Variants in PCDHGA6 observed in about 807,000 individuals in gnomAD.
PCDHGA6 encodes the protein protocadherin gamma subfamily A, 6.
PCDHGA6 carries 41 observed loss-of-function variants against 60.6 expected under a neutral mutation model. The observed-to-expected ratio is 0.68, with a 90% CI of 0.53 to 0.88. The LOEUF (loss-of-function observed/expected upper bound fraction) is 0.88. PCDHGA6 is among the 40% of genes least tolerant of loss of function. PCDHGA6 has a pLI of 0.00. For missense variants in PCDHGA6, 1,312 were observed against 1,203.0 expected (o/e 1.09, Z -1.34); for synonymous variants, 594 against 524.4 (o/e 1.13, Z -1.81).
In PCDHGA6 at chr5:141,476,240, G is replaced by A. The variant is rs762604058; in HGVS notation, c.2425-18567G>A. On this transcript the variant is annotated intron_variant, in intron 1 of 3. Coordinates refer to ENST00000517434, the MANE Select transcript of PCDHGA6 (RefSeq NM_018919.3). This position sits in a 1 kb window ranked among gnomAD's most constrained non-coding sequence, Gnocchi z 7.6. ...TCACTATGAGATCCCGGAGGAAAGAGAGAAGGGTTTCGCTGTGGGCAACGT... is the reference window on the plus strand; with the variant it reads ...TCACTATGAGATCCCGGAGGAAAGAAAGAAGGGTTTCGCTGTGGGCAACGT... The A allele has an allele frequency of 4.3e-6, 7 of 1,613,986 alleles. No individual in the cohort carries two copies. The highest frequency in any genetic ancestry group is 1.7e-6 in the Non-Finnish European group (2 of 1,180,030).
intron 3 of PCDHGA6, among the ~76,000 whole-genome samples, chr5:141,506,879 G>T (rs958969109): frequency 6.6e-6 from 1 of 152,172 alleles, no homozygotes; most frequent in Non-Finnish European, 1.5e-5. Flanking sequence ...AGAACCAGGT[G>T]AAATCACAAG....
chr5:141,423,374 G>T (rs1356564295), intron 1 of PCDHGA6: 2 of 1,614,188 alleles, frequency 1.2e-6, no homozygotes, highest in Admixed American at 1.7e-5. Context: ...CTGGCACTCA[G>T]GCTGTGGCGC....
chr5:141,420,009 A>T, intron 1 of PCDHGA6: 1 of 1,614,088 alleles, frequency 6.2e-7, no homozygotes, highest in Non-Finnish European at 8.5e-7. Context: ...CGCCTGCGAC[A>T]GTCTTTCAGC....
At chr5:141,400,376 T>A in intron 1 of PCDHGA6, 1 of 1,614,070 alleles carries the variant, frequency 6.2e-7, no homozygotes, top group East Asian at 2.2e-5. Context: ...TCCTACAACC[T>A]ATGTGTTGCA....
In PCDHGA6 at chr5:141,477,074, A is replaced by G; in HGVS notation, c.2425-17733A>G. Reference sequence around the variant, plus strand: ...CTTCGAGGACACCAAACTCCATGAGATTTACATCCAGGCCAAAGACAAGGG... The same window carrying G: ...CTTCGAGGACACCAAACTCCATGAGGTTTACATCCAGGCCAAAGACAAGGG... On this transcript the variant is annotated intron_variant, in intron 1 of 3. Coordinates refer to ENST00000517434, the MANE Select transcript of PCDHGA6 (RefSeq NM_018919.3). This position sits in a 1 kb window ranked among gnomAD's most constrained non-coding sequence, Gnocchi z 4.9. 1 of 1,614,250 alleles carries G rather than the reference A, an allele frequency of 6.2e-7. No homozygotes were observed.
Position 141,490,027 on chromosome 5 carries a change from CG to C in PCDHGA6, c.2425-4779del. The C allele has an allele frequency of 6.2e-7, 1 of 1,614,214 alleles. No individual in the cohort carries two copies. Among genetic ancestry groups the C allele is most frequent in the Admixed American group, 1.7e-5 (1 of 60,032 alleles). On this transcript the variant is annotated intron_variant, in intron 1 of 3. Transcript: ENST00000517434. The surrounding 1 kb of genome is among the most constrained non-coding windows in gnomAD (Gnocchi z 5.4). Reference sequence around the variant, plus strand: ...TGCACCCATTGGTACTCTGCTGCTCCGCCTCAATGCCACTGATCCAGACGAG... The same window carrying C: ...TGCACCCATTGGTACTCTGCTGCTCCCCTCAATGCCACTGATCCAGACGAG...
intron 1 of PCDHGA6, among the ~76,000 whole-genome samples, chr5:141,444,933 G>A (rs1004890599): frequency 3.3e-5 from 5 of 152,152 alleles, no homozygotes; most frequent in African/African-American, 1.2e-4. Context: ...AAAGAGGGAA[G>A]GAGGGAGGAG....
At chr5:141,427,566 C>A (rs1218268757) in intron 1 of PCDHGA6, 1 of 659,032 alleles carries the variant, frequency 1.5e-6, no homozygotes, top group Non-Finnish European at 2.8e-6. Context: ...CAAGGGCAAG[C>A]CTCCGCTCTC....
At chr5:141,385,016 C>A (rs536780147) in intron 1 of PCDHGA6, 4 of 1,614,186 alleles carry the variant, frequency 2.5e-6, no homozygotes, top group Non-Finnish European at 3.4e-6. Flanking sequence ...GTCTTCCTAG[C>A]CTTCGTCCTC....
Position 141,491,730 on chromosome 5 carries a change from C to G in PCDHGA6, c.2425-3077C>G, listed in dbSNP as rs1346666614. 1 of 1,603,920 alleles carries G rather than the reference C, an allele frequency of 6.2e-7. No homozygotes were observed. Among genetic ancestry groups the G allele is most frequent in the Non-Finnish European group, 8.5e-7 (1 of 1,175,836 alleles). ...GGGGCTCGGCGCCGCCCCGGGCGAC[C>G]CCTGGGGGCGGCACTGGAGAAGCCG... On this transcript the variant is annotated intron_variant, in intron 1 of 3. Coordinates refer to ENST00000517434, the MANE Select transcript of PCDHGA6 (RefSeq NM_018919.3). The surrounding 1 kb of genome is among the most constrained non-coding windows in gnomAD (Gnocchi z 6.9).
chr5:141,467,554 T>A (rs2099145880), intron 1 of PCDHGA6, among the ~76,000 whole-genome samples: 1 of 152,238 alleles, frequency 6.6e-6, no homozygotes. Flanking sequence ...TATATCTTTT[T>A]TCCCAAATGG....
At chr5:141,478,864 A>G in intron 1 of PCDHGA6, 1 of 1,322,156 alleles carries the variant, frequency 7.6e-7, no homozygotes, top group Non-Finnish European at 1.0e-6. Flanking sequence ...GATCTCAGCG[A>G]TCAGAGTTTA....
intron 1 of PCDHGA6, chr5:141,413,845 C>G: frequency 6.2e-7 from 1 of 1,613,242 alleles, no homozygotes. Flanking sequence ...CGGGGGTGAC[C>G]CTCTCCGATC....
intron 1 of PCDHGA6, chr5:141,391,956 A>G (rs1440560320): frequency 6.6e-6 from 1 of 152,246 alleles, no homozygotes; most frequent in Non-Finnish European, 1.5e-5. Flanking sequence ...AAAAATATAA[A>G]CAATGTAAAT....
intron 1 of PCDHGA6, chr5:141,418,451 A>AG (rs2096259161): frequency 3.1e-6 from 5 of 1,614,046 alleles, no homozygotes; most frequent in Non-Finnish European, 4.2e-6. Context: ...AGTATTGCAG[A>AG]AGACTCTGGA....
Position 141,474,743 on chromosome 5 carries a change from T to A in PCDHGA6, c.2425-20064T>A, listed in dbSNP as rs113053006. Among the ~76,000 whole-genome samples the A allele has an allele frequency of 4.0e-3, 610 of 152,354 alleles. 8 individuals carry two copies. The highest frequency in any genetic ancestry group is 0.014 in the African/African-American group (593 of 41,580). On this transcript the variant is annotated intron_variant, in intron 1 of 3. Transcript: ENST00000517434. ...AGGACTCTATGCAATCAAAGTGATG[T>A]CCAAGACAAATATACAGAAATAGTA...
chr5:141,422,272 A>T, intron 1 of PCDHGA6: 13 of 1,561,362 alleles, frequency 8.3e-6, no homozygotes, highest in Non-Finnish European at 1.1e-5. Context: ...TCCAGAAATA[A>T]CTATCACCTC....
intron 1 of PCDHGA6, among the ~76,000 whole-genome samples, chr5:141,407,024 A>G (rs909800590): frequency 6.6e-6 from 1 of 152,232 alleles, no homozygotes; most frequent in Non-Finnish European, 1.5e-5. Context: ...TCAAAATTCT[A>G]TGCTAAACAT....
intron 1 of PCDHGA6, among the ~76,000 whole-genome samples, chr5:141,463,073 C>G (rs911706393): frequency 6.6e-6 from 1 of 152,110 alleles, no homozygotes; most frequent in African/African-American, 2.4e-5. Flanking sequence ...AAATGAAATT[C>G]AAACATTTTC....
Sources: gnomAD v4.1 joint callset for allele counts (sites outside exome capture counted in the v4.1 genomes callset) on GRCh38, gnomAD v4.1.1 for gene constraint, Gnocchi (gnomAD v3.1) non-coding constraint, MANE v1.5 for transcripts, NCBI Gene and HGNC (gene_info 2026-07-23, HGNC 2026-07-21) for gene names.